Variants in SDK1 observed in about 807,000 individuals in gnomAD.
SDK1 encodes sidekick cell adhesion molecule 1, also known as protein sidekick-1.
In SDK1, 157 loss-of-function variants were observed where a neutral mutation model predicts 245.5. The observed-to-expected ratio is 0.64, with a 90% CI of 0.56 to 0.73. The LOEUF is 0.73. Ranked by LOEUF, SDK1 falls within the 30% of genes least tolerant of loss-of-function variation. SDK1 has a pLI of 0.00. For synonymous variants in SDK1, 1,647 were observed against 1,278.5 expected (o/e 1.29, Z -6.15); for missense variants, 3,583 against 3,002.3 (o/e 1.19, Z -4.52).
chr7:3,684,931 C>G lies in SDK1; in HGVS notation c.713+42826C>G, dbSNP rs75341973. ...ACTTGAGGACAGGTCAAGAATGTAG[C>G]CAATCTGAACAACTAAGAAAAAATA... is the stretch of plus-strand genomic sequence containing the variant. On this transcript the variant is annotated intron_variant, in intron 4 of 44. Transcript: ENST00000404826. 1.2e-3 allele frequency among the ~76,000 whole-genome samples: 179 copies of G among 152,142 alleles called. 1 individual carries two copies. Among genetic ancestry groups the G allele is most frequent in the African/African-American group, 4.2e-3 (174 of 41,500 alleles).
chr7:4,138,256 G>T (rs1332803394), intron 28 of SDK1, among the ~76,000 whole-genome samples: 2 of 152,148 alleles, frequency 1.3e-5, no homozygotes, highest in Non-Finnish European at 2.9e-5. Flanking sequence ...GGAGGGGAGG[G>T]CGACCCCACT....
chr7:4,205,902 G>C lies in SDK1; in HGVS notation c.5122G>C (p.Val1708Leu), dbSNP rs760937403. 6.4e-7 allele frequency: 1 copy of C among 1,556,494 alleles called. No homozygotes were observed. Among genetic ancestry groups the C allele is most frequent in the Non-Finnish European group, 8.7e-7 (1 of 1,149,628 alleles). ...AGCCCCGGCCATGGCCCCGCAGAAC[G>C]TGCAGGTGACCCCACTCACGGCCAG... is the stretch of plus-strand genomic sequence containing the variant. ...EAAPAMAPQN[V>L]QVTPLTASQL... The change falls in exon 36 of 45, where the codon GTG (valine) becomes CTG (leucine). Residue 1708 changes from valine (V) to leucine (L), a missense_variant. Physicochemically the swap from Val to Leu is conservative, Grantham distance 32. Coordinates refer to ENST00000404826, the MANE Select transcript of SDK1 (RefSeq NM_152744.4).
intron 1 of SDK1, among the ~76,000 whole-genome samples, chr7:3,303,067 C>G (rs375612376): frequency 6.6e-5 from 10 of 152,242 alleles, no homozygotes; most frequent in African/African-American, 1.2e-4. Flanking sequence ...CCCTCCACCC[C>G]CCTCCAGCTT....
chr7:4,045,348 TC>T (rs1245146236), intron 17 of SDK1, among the ~76,000 whole-genome samples: 4 of 152,022 alleles, frequency 2.6e-5, no homozygotes, highest in African/African-American at 9.7e-5. Flanking sequence ...GCTCTAGTGA[TC>T]CCCCCATCTC....
At chr7:3,859,589 C>T (rs912557731) in intron 5 of SDK1, among the ~76,000 whole-genome samples, 1 of 152,174 alleles carries the variant, frequency 6.6e-6, no homozygotes, top group Non-Finnish European at 1.5e-5. Flanking sequence ...GCAGTTTGGA[C>T]ATGGTGCATC....
chr7:3,359,789 C>G (rs1247310521), intron 1 of SDK1, among the ~76,000 whole-genome samples: 11 of 152,122 alleles, frequency 7.2e-5, no homozygotes, highest in African/African-American at 2.7e-4. Flanking sequence ...GGGGATGTGA[C>G]ATTCCAGGGC....
At chr7:3,819,516 T>A (rs117882469) in intron 4 of SDK1, among the ~76,000 whole-genome samples, 2,203 of 152,254 alleles carry the variant, frequency 0.014, 23 homozygotes, top group Non-Finnish European at 0.022. Context: ...AATTGTACTA[T>A]TAAATGTGTA....
At chr7:3,712,203 G>A (rs963949754) in intron 4 of SDK1, among the ~76,000 whole-genome samples, 1 of 152,142 alleles carries the variant, frequency 6.6e-6, no homozygotes, top group South Asian at 2.1e-4. Context: ...CCCATCACTT[G>A]CATTCCTGCC....
chr7:3,778,705 A>C lies in SDK1; in HGVS notation c.714-42745A>C, dbSNP rs527920996. On this transcript the variant is annotated intron_variant, in intron 4 of 44. Coordinates refer to ENST00000404826, the MANE Select transcript of SDK1 (RefSeq NM_152744.4). ...AAACTAAAATATATTTAATCTTAAC[A>C]GAGTATACTTGGCGGAATGGCTGAC... 7.9e-5 allele frequency among the ~76,000 whole-genome samples: 12 copies of C among 152,376 alleles called. No homozygotes were observed. In the East Asian group the frequency reaches 2.3e-3, roughly 29 times the overall value.
intron 1 of SDK1, among the ~76,000 whole-genome samples, chr7:3,555,445 T>C (rs1044901270): frequency 2.6e-5 from 4 of 152,054 alleles, no homozygotes; most frequent in Non-Finnish European, 5.9e-5. Flanking sequence ...ATTAAAAACT[T>C]TAAGATGTGA....
At chr7:3,495,179 A>C (rs1416873062) in intron 1 of SDK1, among the ~76,000 whole-genome samples, 2 of 149,862 alleles carry the variant, frequency 1.3e-5, no homozygotes, top group African/African-American at 4.9e-5. Flanking sequence ...CTGATCATGC[A>C]TTGTCATGAA....
At chr7:4,155,471 A>G (rs1457426831) in intron 30 of SDK1, among the ~76,000 whole-genome samples, 1 of 152,204 alleles carries the variant, frequency 6.6e-6, no homozygotes, top group Non-Finnish European at 1.5e-5. Flanking sequence ...GTGGAGAAAG[A>G]GGGGTTTCAA....
intron 9 of SDK1, among the ~76,000 whole-genome samples, chr7:3,963,361 C>G (rs1408914372): frequency 1.3e-5 from 1 of 74,360 alleles, no homozygotes; most frequent in Non-Finnish European, 2.4e-5. Flanking sequence ...TGGGTACACC[C>G]AGGCTCACAG....
chr7:3,969,035 G>C (rs1437506152), intron 10 of SDK1, among the ~76,000 whole-genome samples: 1 of 152,178 alleles, frequency 6.6e-6, no homozygotes, highest in Non-Finnish European at 1.5e-5. Context: ...CAGATCTCAT[G>C]AGAACTCCCT....
Position 4,123,177 on chromosome 7 carries a change from A to G in SDK1, c.3824-4204A>G, listed in dbSNP as rs1305312244. On this transcript the variant is annotated intron_variant, in intron 25 of 44. Coordinates refer to ENST00000404826, the MANE Select transcript of SDK1 (RefSeq NM_152744.4). ...TTCCCACAGGAAGCAGTTAAAGATT[A>G]CAGAAGTAGACCATTTGTGTTGCTA... 2.0e-5 allele frequency among the ~76,000 whole-genome samples: 3 copies of G among 152,240 alleles called. No homozygotes were observed. The East Asian group carries it at 5.8e-4, about 29-fold the overall frequency.
intron 4 of SDK1, among the ~76,000 whole-genome samples, chr7:3,712,226 C>G (rs908722490): frequency 1.3e-5 from 2 of 152,172 alleles, no homozygotes; most frequent in Non-Finnish European, 2.9e-5. Context: ...AGCCCCACCT[C>G]CTGTCAGATC....
Position 4,119,741 on chromosome 7 carries a change from A to C in SDK1, c.3823+5467A>C, listed in dbSNP as rs1343965769. On this transcript the variant is annotated intron_variant, in intron 25 of 44. Coordinates refer to ENST00000404826, the MANE Select transcript of SDK1 (RefSeq NM_152744.4). ...GGAGAGATATTGCCAAAGCCAAATT[A>C]TCCAAAATAAAAAGCCTTTTTAAAG... Among the ~76,000 whole-genome samples, 4 of 149,240 alleles carry C rather than the reference A, an allele frequency of 2.7e-5. 1 individual carries two copies. The highest frequency in any genetic ancestry group is 9.8e-5 in the African/African-American group (4 of 40,898).
At chr7:3,587,547 C>G (rs906325942) in intron 1 of SDK1, among the ~76,000 whole-genome samples, 6 of 152,156 alleles carry the variant, frequency 3.9e-5, no homozygotes, top group African/African-American at 1.4e-4. Context: ...ACTGAGCTGT[C>G]AAGAAGAGAG....
chr7:3,687,053 C>CAA (rs1322028809), intron 4 of SDK1, among the ~76,000 whole-genome samples: 1 of 72,842 alleles, frequency 1.4e-5, no homozygotes, highest in African/African-American at 9.3e-5. Context: ...GGGATAGCAT[C>CAA]AAAACACACA....
Sources: gnomAD v4.1 joint callset for allele counts (sites outside exome capture counted in the v4.1 genomes callset) on GRCh38, gnomAD v4.1.1 for gene constraint, MANE v1.5 for transcripts, NCBI Gene and HGNC (gene_info 2026-07-23, HGNC 2026-07-21) for gene names.